TAS2R1: variants seen among roughly 807,000 people sequenced by gnomAD.
TAS2R1 encodes the protein taste receptor type 2 member 1.
For missense variants in TAS2R1, 370 were observed against 353.4 expected (o/e 1.05, Z -0.38); for synonymous variants, 141 against 134.2 (o/e 1.05, Z -0.35).
chr5:9,778,385 G>A, the TAS2R1 span, among the ~76,000 whole-genome samples: 1 of 152,134 alleles, frequency 6.6e-6, no homozygotes, highest in Non-Finnish European at 1.5e-5. Context: ...TTTCAAAATG[G>A]TAAATGAGCC....
chr5:9,665,852 A>C (rs1740623979), intron 1 of TAS2R1, among the ~76,000 whole-genome samples: 1 of 152,232 alleles, frequency 6.6e-6, no homozygotes, highest in African/African-American at 2.4e-5. Flanking sequence ...GCAGTGTAGA[A>C]GGCATTTTGC....
chr5:9,735,780 T>A, the TAS2R1 span, among the ~76,000 whole-genome samples: 6 of 152,238 alleles, frequency 3.9e-5, no homozygotes, highest in African/African-American at 1.4e-4. Flanking sequence ...TTTTAAAGAA[T>A]GCAAAGTTTT....
intron 1 of TAS2R1, among the ~76,000 whole-genome samples, chr5:9,690,010 T>G (rs1286917340): frequency 6.6e-6 from 1 of 152,200 alleles, no homozygotes; most frequent in African/African-American, 2.4e-5. Context: ...TTTGTTAAAA[T>G]AGTTCTTTCC....
At chr5:9,894,141 G>A in the TAS2R1 span, among the ~76,000 whole-genome samples, 3 of 152,094 alleles carry the variant, frequency 2.0e-5, no homozygotes, top group South Asian at 2.1e-4. Flanking sequence ...GGTGGCTCAC[G>A]CCTGTAATCC....
chr5:9,899,880 G>T, the TAS2R1 span, among the ~76,000 whole-genome samples: 1 of 152,062 alleles, frequency 6.6e-6, no homozygotes, highest in Non-Finnish European at 1.5e-5. Context: ...ATTAGAAGGT[G>T]GTTCCCAGCC....
At chr5:9,827,492 T>C in the TAS2R1 span, among the ~76,000 whole-genome samples, 1 of 151,968 alleles carries the variant, frequency 6.6e-6, no homozygotes, top group Admixed American at 6.6e-5. Flanking sequence ...GTCAGCACTT[T>C]TGGAGGCCAA....
At chr5:9,660,225 A>ATTTT (rs35208333) in intron 1 of TAS2R1, among the ~76,000 whole-genome samples, 15 of 88,810 alleles carry the variant, frequency 1.7e-4, no homozygotes, top group African/African-American at 2.3e-4. Flanking sequence ...CTCCCGGCTA[A>ATTTT]TTTTTTTTTT....
At chr5:9,829,885 G>C in the TAS2R1 span, among the ~76,000 whole-genome samples, 4 of 152,152 alleles carry the variant, frequency 2.6e-5, no homozygotes, top group Admixed American at 6.5e-5. Context: ...GACACAAAAG[G>C]GGGGAATGAA....
At chr5:9,899,971 T>G in the TAS2R1 span, among the ~76,000 whole-genome samples, 106,166 of 152,054 alleles carry the variant, frequency 0.7, 37,733 homozygotes, top group East Asian at 0.9. Context: ...AATCATACAA[T>G]ATTTGGAGTG....
the TAS2R1 span, among the ~76,000 whole-genome samples, chr5:9,741,294 A>G: frequency 2.0e-5 from 3 of 152,130 alleles, no homozygotes; most frequent in Non-Finnish European, 4.4e-5. Context: ...TCAGAGACAG[A>G]GATCCAAAGA....
intron 1 of TAS2R1, among the ~76,000 whole-genome samples, chr5:9,701,637 A>C (rs1024339589): frequency 5.3e-5 from 8 of 152,218 alleles, no homozygotes. Flanking sequence ...GACAAATACT[A>C]ATTTTAAAGC....
In TAS2R1 at chr5:9,629,242, A is replaced by T; in HGVS notation, c.791T>A (p.Leu264His). Residue 264 changes from leucine to histidine, a missense_variant, in exon 1 of 1, where the codon CTT becomes CAT. Transcript: ENST00000382492. ...TCCAGAAGGGTATATACCAATCACA[A>T]GGATGAAGAACAGAAAGATGAACCT... ...IRRFIFLFFI[L>H]VIGIYPSGHS... 3 of 1,613,808 alleles carry T rather than the reference A, an allele frequency of 1.9e-6. No individual in the cohort carries two copies. The highest frequency in any genetic ancestry group is 2.5e-6 in the Non-Finnish European group (3 of 1,179,936).
chr5:9,795,102 T>C, the TAS2R1 span, among the ~76,000 whole-genome samples: 2 of 152,178 alleles, frequency 1.3e-5, no homozygotes, highest in African/African-American at 4.8e-5. Context: ...TTTCTAGCTA[T>C]TTGAAACTGT....
At chr5:9,775,493 A>G in the TAS2R1 span, among the ~76,000 whole-genome samples, 2 of 151,914 alleles carry the variant, frequency 1.3e-5, no homozygotes. Flanking sequence ...TCCTTTTTCA[A>G]GCAGGAGTCT....
chr5:9,719,966 T>C, the TAS2R1 span, among the ~76,000 whole-genome samples: 10 of 150,390 alleles, frequency 6.6e-5, no homozygotes, highest in Middle Eastern at 6.9e-3. Flanking sequence ...TACCCCTCTA[T>C]GCTATTTTCT....
At chr5:9,870,562 T>C in the TAS2R1 span, among the ~76,000 whole-genome samples, 5 of 152,194 alleles carry the variant, frequency 3.3e-5, no homozygotes, top group Non-Finnish European at 7.3e-5. Flanking sequence ...TACATTAGGC[T>C]AGACACTGGG....
At chr5:9,739,200 C>A in the TAS2R1 span, among the ~76,000 whole-genome samples, 1 of 152,300 alleles carries the variant, frequency 6.6e-6, no homozygotes, top group South Asian at 2.1e-4. Flanking sequence ...CTCACCCCTA[C>A]AAGTTCAAAT....
the TAS2R1 span, among the ~76,000 whole-genome samples, chr5:9,733,458 C>T: frequency 3.3e-5 from 5 of 152,206 alleles, no homozygotes; most frequent in Non-Finnish European, 7.3e-5. Context: ...GTGACTGCTG[C>T]TAGGCAATAG....
At chr5:9,697,774 C>A (rs16883391) in intron 1 of TAS2R1, among the ~76,000 whole-genome samples, 26,014 of 151,980 alleles carry the variant, frequency 0.17, 2,762 homozygotes, top group South Asian at 0.35. Context: ...AATCTCACAC[C>A]AGCAGCTATT....
Sources: allele counts gnomAD v4.1 joint callset (sites outside exome capture counted in the v4.1 genomes callset), GRCh38; gene constraint gnomAD v4.1.1; transcripts MANE v1.5; gene names NCBI Gene and HGNC (gene_info 2026-07-23, HGNC 2026-07-21).